Variants in NXPH2 observed in about 807,000 individuals in gnomAD.
NXPH2 encodes the protein neurexophilin-2.
NXPH2 carries 5 observed loss-of-function variants against 19.8 expected under a neutral mutation model. The ratio of observed to expected loss-of-function variants is 0.25; its 90% CI spans 0.13 to 0.53. The LOEUF (loss-of-function observed/expected upper bound fraction) is 0.53. NXPH2 is among the 20% of genes least tolerant of loss of function. NXPH2 has a pLI of 0.96. For synonymous variants in NXPH2, 154 were observed against 127.4 expected, an observed-to-expected ratio of 1.21 and a Z score of -1.41; for missense variants, 289 against 322.8, an observed-to-expected ratio of 0.90 and a Z score of 0.80.
At chr2:138,754,290 T>C (rs1238863707) in intron 1 of NXPH2, among the ~76,000 whole-genome samples, 2 of 152,176 alleles carry the variant, frequency 1.3e-5, no homozygotes, top group African/African-American at 2.4e-5. Context: ...TAGAGTATCA[T>C]ATAGAATAGT....
chr2:138,761,677 C>T (rs1682020463), intron 1 of NXPH2, among the ~76,000 whole-genome samples: 1 of 152,284 alleles, frequency 6.6e-6, no homozygotes, highest in Middle Eastern at 3.4e-3. Flanking sequence ...CCAAGTACAC[C>T]TTCTCCCACC....
intron 1 of NXPH2, among the ~76,000 whole-genome samples, chr2:138,729,398 C>T (rs568000709): frequency 3.9e-5 from 6 of 152,308 alleles, no homozygotes; most frequent in African/African-American, 1.4e-4. Context: ...CCCCTTTGGC[C>T]TTGACTGTAA....
intron 1 of NXPH2, among the ~76,000 whole-genome samples, chr2:138,740,933 T>A (rs1681632871): frequency 6.8e-6 from 1 of 147,118 alleles, no homozygotes; most frequent in Non-Finnish European, 1.5e-5. Flanking sequence ...ACAGTAGAGA[T>A]GTGTGTGGGG....
chr2:138,693,853 A>C (rs1428866706), intron 1 of NXPH2, among the ~76,000 whole-genome samples: 1 of 152,170 alleles, frequency 6.6e-6, no homozygotes, highest in African/African-American at 2.4e-5. Flanking sequence ...TCTCAAAAAG[A>C]TATGTTGAAG....
chr2:138,719,177 T>G (rs1008920504), intron 1 of NXPH2, among the ~76,000 whole-genome samples: 2 of 152,144 alleles, frequency 1.3e-5, no homozygotes, highest in African/African-American at 4.8e-5. Flanking sequence ...TACTGAGTGG[T>G]CTTTGGAAAG....
chr2:138,690,494 G>C (rs182222834), intron 1 of NXPH2, among the ~76,000 whole-genome samples: 9 of 151,902 alleles, frequency 5.9e-5, no homozygotes, highest in Middle Eastern at 3.4e-3. Context: ...GGTGCTTCTA[G>C]AGATGGGTCC....
intron 1 of NXPH2, among the ~76,000 whole-genome samples, chr2:138,760,205 C>T (rs1573981227): frequency 6.6e-6 from 1 of 152,054 alleles, no homozygotes; most frequent in African/African-American, 2.4e-5. Flanking sequence ...TCCATATATA[C>T]AGGGTGACAG....
At chr2:138,777,893 T>C (rs1341746882) in intron 1 of NXPH2, among the ~76,000 whole-genome samples, 1 of 145,366 alleles carries the variant, frequency 6.9e-6, no homozygotes, top group East Asian at 2.0e-4. Context: ...TTAGTACATA[T>C]GGTTCCTAGA....
chr2:138,756,145 A>G (rs1044003950), intron 1 of NXPH2, among the ~76,000 whole-genome samples: 1 of 151,944 alleles, frequency 6.6e-6, no homozygotes, highest in Admixed American at 6.6e-5. Flanking sequence ...TTTATTAATT[A>G]CTCTTTATGT....
chr2:138,705,896 C>T (rs1681001631), intron 1 of NXPH2, among the ~76,000 whole-genome samples: 1 of 152,206 alleles, frequency 6.6e-6, no homozygotes, highest in African/African-American at 2.4e-5. Flanking sequence ...AAAAACCATT[C>T]TTCAATTCTC....
chr2:138,775,019 C>A (rs1344652000), intron 1 of NXPH2, among the ~76,000 whole-genome samples: 1 of 152,132 alleles, frequency 6.6e-6, no homozygotes, highest in African/African-American at 2.4e-5. Context: ...TAAAATGTCT[C>A]ATTTCTCTTA....
At chr2:138,717,312 T>C (rs184271035) in intron 1 of NXPH2, among the ~76,000 whole-genome samples, 213 of 152,180 alleles carry the variant, frequency 1.4e-3, no homozygotes, top group African/African-American at 4.9e-3. Context: ...ACAGTATTGA[T>C]GATATGGCAT....
chr2:138,697,502 T>C (rs1334097615), intron 1 of NXPH2, among the ~76,000 whole-genome samples: 1 of 152,072 alleles, frequency 6.6e-6, no homozygotes, highest in Non-Finnish European at 1.5e-5. Flanking sequence ...TAAAGACTAC[T>C]TAATAATGTG....
chr2:138,758,497 TA>T (rs1375358882), intron 1 of NXPH2, among the ~76,000 whole-genome samples: 1 of 152,212 alleles, frequency 6.6e-6, no homozygotes, highest in African/African-American at 2.4e-5. Context: ...GAACCAAGAC[TA>T]AAGTTCAATT....
chr2:138,770,978 A>C (rs1682166570), intron 1 of NXPH2, among the ~76,000 whole-genome samples: 1 of 152,090 alleles, frequency 6.6e-6, no homozygotes, highest in African/African-American at 2.4e-5. Context: ...GATTGTCAAA[A>C]ATTTTTTTTT....
intron 1 of NXPH2, among the ~76,000 whole-genome samples, chr2:138,741,960 C>A (rs1466053106): frequency 1.3e-5 from 2 of 152,172 alleles, no homozygotes; most frequent in African/African-American, 2.4e-5. Flanking sequence ...ACAACTTCCA[C>A]AAAATTGAGC....
intron 1 of NXPH2, among the ~76,000 whole-genome samples, chr2:138,764,765 G>A (rs1181412043): frequency 6.6e-6 from 1 of 152,172 alleles, no homozygotes; most frequent in Non-Finnish European, 1.5e-5. Context: ...GCTCTTCCCA[G>A]TAGGAAAGTT....
At chr2:138,680,052 G>A (rs939312553) in intron 1 of NXPH2, among the ~76,000 whole-genome samples, 1 of 151,994 alleles carries the variant, frequency 6.6e-6, no homozygotes, top group East Asian at 1.9e-4. Context: ...AATAAGAAAA[G>A]GAGGGGCAAT....
chr2:138,683,457 CAG>C (rs1399847521), intron 1 of NXPH2, among the ~76,000 whole-genome samples: 1 of 152,110 alleles, frequency 6.6e-6, no homozygotes, highest in African/African-American at 2.4e-5. Context: ...CCATTTTCGG[CAG>C]AGTTTCAGTG....
Sources: allele counts gnomAD v4.1 joint callset (sites outside exome capture counted in the v4.1 genomes callset), GRCh38; gene constraint gnomAD v4.1.1; transcripts MANE v1.5; gene names NCBI Gene and HGNC (gene_info 2026-07-23, HGNC 2026-07-21).